NAV2: variants seen among roughly 807,000 people sequenced by gnomAD.
The protein encoded by NAV2 is neuron navigator 2.
A neutral mutation model predicts 223.2 loss-of-function variants in NAV2; 54 were observed. That is an observed-to-expected ratio of 0.24 (90% confidence interval 0.19 to 0.30). The LOEUF (loss-of-function observed/expected upper bound fraction) is 0.30, where lower values mean the gene tolerates loss of function less well. Among genes scored for constraint, NAV2 ranks in the 10% least tolerant of loss-of-function variants. The pLI, the probability that NAV2 is intolerant of heterozygous loss-of-function variation, is 1.00. For missense variants in NAV2, 2,806 were observed against 3,147.5 expected (o/e 0.89, Z 2.60); for synonymous variants, 1,279 against 1,239.3 (o/e 1.03, Z -0.67).
intron 1 of NAV2, among the ~76,000 whole-genome samples, chr11:19,811,954 C>G (rs537165900): frequency 4.6e-5 from 7 of 152,232 alleles, no homozygotes; most frequent in East Asian, 3.9e-4. Flanking sequence ...CTGGAATGGT[C>G]TTCCTATGGC....
chr11:19,920,856 G>A (rs536108409), intron 6 of NAV2, among the ~76,000 whole-genome samples: 1 of 152,198 alleles, frequency 6.6e-6, no homozygotes, highest in African/African-American at 2.4e-5. Context: ...ATTTTTAAAG[G>A]TGTCTTAGCC....
At position 19,669,974 on chromosome 11, in the gene NAV2, G is replaced by GA. The variant is rs200075330; in HGVS notation, c.76-162505dup. Among the ~76,000 whole-genome samples the GA allele has an allele frequency of 4.4e-3, 664 of 152,192 alleles. 23 individuals are homozygous for GA. The highest frequency in any genetic ancestry group is 0.041 in the Admixed American group (633 of 15,284). On this transcript the variant is annotated intron_variant, in intron 1 of 37. Coordinates refer to the NAV2 transcript ENST00000360655. ...TGCATACACACATCAACATACTCAG[G>GA]AAAAAGCCCTAATGCTTTCAGTTTG... is the stretch of plus-strand genomic sequence containing the variant.
At chr11:20,073,910 G>T (rs1312015264) in intron 22 of NAV2, among the ~76,000 whole-genome samples, 1 of 152,048 alleles carries the variant, frequency 6.6e-6, no homozygotes, top group Non-Finnish European at 1.5e-5. Flanking sequence ...TTTTTTGAAG[G>T]GTTTTTTGTG....
At chr11:19,693,043 C>G (rs1396636243) in intron 1 of NAV2, among the ~76,000 whole-genome samples, 2 of 152,266 alleles carry the variant, frequency 1.3e-5, no homozygotes, top group Non-Finnish European at 2.9e-5. Flanking sequence ...TCATAGCCTC[C>G]TATCTAACCA....
chr11:19,519,568 C>T (rs1422789664), intron 1 of NAV2, among the ~76,000 whole-genome samples: 3 of 152,250 alleles, frequency 2.0e-5, no homozygotes, highest in Admixed American at 1.3e-4. Context: ...AGTGCGTGCT[C>T]TGTAACTAGT....
chr11:19,501,355 A>G (rs2042958171), intron 1 of NAV2, among the ~76,000 whole-genome samples: 1 of 152,054 alleles, frequency 6.6e-6, no homozygotes, highest in Non-Finnish European at 1.5e-5. Flanking sequence ...CTCTATATAC[A>G]TGGAGTCATC....
chr11:19,765,825 C>T (rs1026710909), intron 1 of NAV2, among the ~76,000 whole-genome samples: 1 of 152,156 alleles, frequency 6.6e-6, no homozygotes, highest in Non-Finnish European at 1.5e-5. Flanking sequence ...TGCAGAAGCT[C>T]TCCTTGGAGA....
intron 1 of NAV2, among the ~76,000 whole-genome samples, chr11:19,638,538 T>C (rs1314518510): frequency 6.6e-6 from 1 of 152,254 alleles, no homozygotes; most frequent in African/African-American, 2.4e-5. Context: ...ATGTGCCAGG[T>C]ACTGTTCCAA....
intron 1 of NAV2, among the ~76,000 whole-genome samples, chr11:19,611,379 C>T (rs563636877): frequency 2.6e-5 from 4 of 152,202 alleles, no homozygotes; most frequent in African/African-American, 7.2e-5. Context: ...CATTCCTTCC[C>T]GACAGTCCCC....
rs189346574 is a variant in NAV2 at position 19,636,644 on chromosome 11, G to A, written c.76-195840G>A. On this transcript the variant is annotated intron_variant, in intron 1 of 37. Transcript: ENST00000360655. Reference sequence around the variant, plus strand: ...TAACTGGGACTACAGGAGTATTTTTGTATTTTTAGTAGAGACGGGGTTTCA... The same window carrying A: ...TAACTGGGACTACAGGAGTATTTTTATATTTTTAGTAGAGACGGGGTTTCA... Among the ~76,000 whole-genome samples, 278 of 152,190 alleles carry A rather than the reference G, an allele frequency of 1.8e-3. 1 individual carries two copies. The highest frequency in any genetic ancestry group is 6.5e-3 in the African/African-American group (269 of 41,520).
intron 1 of NAV2, among the ~76,000 whole-genome samples, chr11:19,358,369 A>G (rs1853742336): frequency 6.6e-6 from 1 of 152,194 alleles, no homozygotes; most frequent in Non-Finnish European, 1.5e-5. Flanking sequence ...AGTCAGGGTG[A>G]TTCCTGACAT....
chr11:19,492,293 A>G (rs1037721428), intron 1 of NAV2, among the ~76,000 whole-genome samples: 6 of 152,140 alleles, frequency 3.9e-5, no homozygotes, highest in Admixed American at 6.5e-5. Flanking sequence ...AAAAAAAAAA[A>G]ACTCAATACC....
rs766469479 is a variant in NAV2 at position 20,055,871 on chromosome 11, G to A, written c.4745G>A (p.Ser1582Asn). The A allele has an allele frequency of 2.5e-6, 4 of 1,614,222 alleles. No individual in the cohort carries two copies. The highest frequency in any genetic ancestry group is 3.4e-6 in the Non-Finnish European group (4 of 1,180,036). Residue 1582 changes from serine (S) to asparagine (N), a missense_variant, in exon 19 of 38, where the codon AGC becomes AAC. This residue lies in a region of NAV2 where 742 missense variants were observed against 777.9 expected (regional missense o/e 0.95). Coordinates refer to ENST00000349880, the MANE Select transcript of NAV2 (RefSeq NM_145117.5). Reference protein sequence around the residue: ...ADGQYDPYTDSRFRNSSMSLD... With the variant: ...ADGQYDPYTDNRFRNSSMSLD... ...GGGCAGTATGATCCATACACTGACA[G>A]CCGCTTCCGGAATAGCTCCATGTCC...
chr11:19,862,087 A>G (rs1244636654), intron 3 of NAV2, among the ~76,000 whole-genome samples: 1 of 152,260 alleles, frequency 6.6e-6, no homozygotes, highest in Admixed American at 6.5e-5. Context: ...AGCAAAGTGG[A>G]AAAAGATAGT....
intron 1 of NAV2, among the ~76,000 whole-genome samples, chr11:19,759,138 A>G (rs180991789): frequency 3.0e-4 from 35 of 117,170 alleles, no homozygotes; most frequent in African/African-American, 1.1e-3. Context: ...TTGCTCTGTC[A>G]GTGGCACAAT....
At chr11:19,801,609 G>A (rs1167023127) in intron 1 of NAV2, among the ~76,000 whole-genome samples, 4 of 152,178 alleles carry the variant, frequency 2.6e-5, no homozygotes, top group Non-Finnish European at 4.4e-5. Context: ...TGAGGATCAT[G>A]AGCCAGGCTA....
chr11:19,996,925 C>T (rs918467501), intron 11 of NAV2, among the ~76,000 whole-genome samples: 4 of 152,124 alleles, frequency 2.6e-5, no homozygotes, highest in Non-Finnish European at 4.4e-5. Flanking sequence ...CTGCATGGCT[C>T]AGTGGGCTCA....
chr11:20,024,179 A>T (rs568462646), intron 11 of NAV2, among the ~76,000 whole-genome samples: 3 of 152,294 alleles, frequency 2.0e-5, no homozygotes, highest in East Asian at 3.9e-4. Context: ...AATACACAGG[A>T]TGCTAGCAGC....
At chr11:19,782,796 C>T (rs2056841884) in intron 1 of NAV2, among the ~76,000 whole-genome samples, 1 of 152,154 alleles carries the variant, frequency 6.6e-6, no homozygotes, top group South Asian at 2.1e-4. Flanking sequence ...GCCTGACCTC[C>T]CACTAAGAAT....
Sources: gnomAD v4.1 joint callset for allele counts (sites outside exome capture counted in the v4.1 genomes callset) on GRCh38, gnomAD v4.1.1 for gene constraint, gnomAD v4.1.1 regional missense constraint, MANE v1.5 for transcripts, NCBI Gene and HGNC (gene_info 2026-07-23, HGNC 2026-07-21) for gene names.